SZT2: variants seen among roughly 807,000 people sequenced by gnomAD.
SZT2 encodes the protein KICSTOR complex protein SZT2.
SZT2 carries 216 observed loss-of-function variants against 404.2 expected under a neutral mutation model. The observed-to-expected ratio is 0.53, with a 90% CI of 0.48 to 0.60. SZT2 has a LOEUF of 0.60. Ranked by LOEUF, SZT2 falls within the 20% of genes least tolerant of loss-of-function variation. The pLI is 0.00. For missense variants in SZT2, 3,857 were observed against 4,459.2 expected (o/e 0.86, Z 3.85); for synonymous variants, 1,693 against 1,749.9 (o/e 0.97, Z 0.81).
In SZT2 at chr1:43,448,603, C is replaced by G; in HGVS notation, c.9970-9C>G. The G allele has an allele frequency of 6.2e-7, 1 of 1,613,922 alleles. No individual in the cohort carries two copies. Among genetic ancestry groups the G allele is most frequent in the East Asian group, 2.2e-5 (1 of 44,878 alleles). On this transcript the variant is annotated splice_polypyrimidine_tract_variant and intron_variant, in intron 69 of 71. Coordinates refer to ENST00000634258, the MANE Select transcript of SZT2 (RefSeq NM_001365999.1). The surrounding 1 kb of genome is among the most constrained non-coding windows in gnomAD (Gnocchi z 4.2). ...CACAGAAGACTCAGGCCTGTGGCTC[C>G]TCCCTCAGGACTGCTTCCTATCCAT...
intron 34 of SZT2, 40 bp from the exon 35 acceptor site, chr1:43,431,420 A>G: frequency 1.2e-6 from 2 of 1,613,452 alleles, no homozygotes; most frequent in Non-Finnish European, 1.7e-6. Flanking sequence ...TTTCAATTTC[A>G]TTTTCTGGAA....
In SZT2 at chr1:43,403,621, G is replaced by T; in HGVS notation, c.174G>T (p.Leu58Phe). ...QEMLLQSEQELEVLSVLPPGW... is the reference protein window; with the variant it reads ...QEMLLQSEQEFEVLSVLPPGW... Reference sequence around the variant, plus strand: ...TTCAGCTTCAGTCTGAACAGGAATTGGAAGTCCTCAGTGTCCTGCCCCCTG... The same window carrying T: ...TTCAGCTTCAGTCTGAACAGGAATTTGAAGTCCTCAGTGTCCTGCCCCCTG... The change falls in exon 3 of 72, where the codon TTG (leucine) becomes TTT (phenylalanine). Residue 58 changes from leucine to phenylalanine, a missense_variant. Around this residue, in one of 7 missense-constraint regions of SZT2, gnomAD observed 536 missense variants for 637.4 expected, o/e 0.84. Transcript: ENST00000634258. The T allele has an allele frequency of 1.2e-6, 2 of 1,613,518 alleles. No homozygotes were observed. The highest frequency in any genetic ancestry group is 2.7e-5 in the African/African-American group (2 of 75,020).
intron 4 of SZT2, among the ~76,000 whole-genome samples, chr1:43,413,503 C>T (rs1651322695): frequency 6.6e-6 from 1 of 152,182 alleles, no homozygotes; most frequent in Non-Finnish European, 1.5e-5. Flanking sequence ...TCTGCACTCC[C>T]ATGTTTATTA....
chr1:43,450,859 C>G lies in SZT2; in HGVS notation c.*379C>G. 1.4e-6 allele frequency: 1 copy of G among 718,894 alleles called. No homozygotes were observed. The highest frequency in any genetic ancestry group is 2.6e-6 in the Non-Finnish European group (1 of 388,892). The allele number at this position is 718,894 out of a possible 1,614,324, so 44.5% of individuals were successfully genotyped here. A position where few individuals can be genotyped will look rare whatever the true frequency, so the allele number is the denominator to read the frequency against. On this transcript the variant is annotated 3_prime_UTR_variant, in exon 72 of 72. Coordinates refer to ENST00000634258, the MANE Select transcript of SZT2 (RefSeq NM_001365999.1). This position sits in a 1 kb window ranked among gnomAD's most constrained non-coding sequence, Gnocchi z 4.3. ...CCTAGCCTTTGACCACTGTCAGCCA[C>G]CTGTGTCCCTTGAGCCTTCGGGTCT...
rs755477194 is a variant in SZT2, at chr1:43,437,727, C to T, written c.6396+27C>T. On this transcript the variant is annotated intron_variant, in intron 45 of 71. Transcript: ENST00000634258. This position sits in a 1 kb window ranked among gnomAD's most constrained non-coding sequence, Gnocchi z 5.3. ...CATGTATCACTCCCACTCTCTGATGCCCCTGTGTTCCTCTTGCACTTTGCT... is the reference window on the plus strand; with the variant it reads ...CATGTATCACTCCCACTCTCTGATGTCCCTGTGTTCCTCTTGCACTTTGCT... 6.2e-7 allele frequency: 1 copy of T among 1,613,946 alleles called. No homozygotes were observed. Among genetic ancestry groups the T allele is most frequent in the Non-Finnish European group, 8.5e-7 (1 of 1,179,956 alleles).
Position 43,453,630 on chromosome 1 carries a change from G to A in SZT2, c.*3150G>A. ...GTTGATCAGTACAAGCCGCAGCCCCGCTTCTCGCGCGGCGCGCGCCAGCGC... is the reference window on the plus strand; with the variant it reads ...GTTGATCAGTACAAGCCGCAGCCCCACTTCTCGCGCGGCGCGCGCCAGCGC... On this transcript the variant is annotated 3_prime_UTR_variant, in exon 72 of 72. Transcript: ENST00000634258. The A allele has an allele frequency of 1.3e-6, 2 of 1,493,250 alleles. No individual in the cohort carries two copies. Among genetic ancestry groups the A allele is most frequent in the Non-Finnish European group, 1.8e-6 (2 of 1,127,540 alleles). The allele number at this position is 1,493,250 out of a possible 1,614,324, so 92.5% of individuals were successfully genotyped here. A position where few individuals can be genotyped will look rare whatever the true frequency, so the allele number is the denominator to read the frequency against.
At position 43,430,543 on chromosome 1, in the gene SZT2, G is replaced by C; in HGVS notation, c.4528G>C (p.Glu1510Gln). ...CVVTESDPEL[E>Q]VEYRESRESD... ...GGTCACTGAGAGTGACCCAGAGCTA[G>C]AGGTAGAATACCGGGAGAGCCGTGA... Residue 1510 changes from glutamate (E) to glutamine (Q), a missense_variant, in exon 32 of 72, where the codon GAG becomes CAG. Coordinates refer to ENST00000634258, the MANE Select transcript of SZT2 (RefSeq NM_001365999.1). 1 of 1,614,248 alleles carries C rather than the reference G, an allele frequency of 6.2e-7. No homozygotes were observed. Among genetic ancestry groups the C allele is most frequent in the Non-Finnish European group, 8.5e-7 (1 of 1,180,046 alleles).
In SZT2 at chr1:43,441,126, C is replaced by T; in HGVS notation, c.7345-88C>T. The T allele has an allele frequency of 1.3e-6, 2 of 1,510,862 alleles. No individual in the cohort carries two copies. Among genetic ancestry groups the T allele is most frequent in the Non-Finnish European group, 1.8e-6 (2 of 1,113,042 alleles). The allele number at this position is 1,510,862 out of a possible 1,614,324, so 93.6% of individuals were successfully genotyped here. On this transcript the variant is annotated intron_variant, in intron 52 of 71. Transcript: ENST00000634258. The surrounding 1 kb of genome is among the most constrained non-coding windows in gnomAD (Gnocchi z 4.8). ...GGGTCTGAACCCAGACCTCTGAATCCTCCTAGCTCACTGCTGTTCCATAGT... is the reference window on the plus strand; with the variant it reads ...GGGTCTGAACCCAGACCTCTGAATCTTCCTAGCTCACTGCTGTTCCATAGT...
In SZT2 at chr1:43,434,402, G is replaced by A; in HGVS notation, c.5821G>A (p.Asp1941Asn). The A allele has an allele frequency of 1.3e-6, 2 of 1,595,902 alleles. No homozygotes were observed. The highest frequency in any genetic ancestry group is 1.7e-6 in the Non-Finnish European group (2 of 1,172,820). ...YAHARSLIRE[D>N]GGPGTECRHL... ...CCTTCCCAGGAGCCTGATTCGGGAG[G>A]ATGGGGGGCCGGGCACTGAGTGTCG... Residue 1941 changes from aspartate (D) to asparagine (N), a missense_variant, in exon 41 of 72, where the codon GAT becomes AAT. Physicochemically the swap from Asp to Asn is conservative, Grantham distance 23. This residue lies in a region of SZT2 where 1,725 missense variants were observed against 1,881.0 expected (regional missense o/e 0.92). Transcript: ENST00000634258.
Position 43,439,496 on chromosome 1 carries a change from T to C in SZT2, c.6877+54T>C, listed in dbSNP as rs1438882418. 3.9e-5 allele frequency: 63 copies of C among 1,597,540 alleles called. No individual in the cohort carries two copies. The highest frequency in any genetic ancestry group is 5.1e-5 in the Non-Finnish European group (60 of 1,170,418). On this transcript the variant is annotated intron_variant, in intron 49 of 71. Coordinates refer to ENST00000634258, the MANE Select transcript of SZT2 (RefSeq NM_001365999.1). This position sits in a 1 kb window ranked among gnomAD's most constrained non-coding sequence, Gnocchi z 4.2. ...CCACCAGGTGAGGGAAAGCCTTTTG[T>C]CATCCTATTGCTAAGAGGACATTTC... is the stretch of plus-strand genomic sequence containing the variant.
chr1:43,447,284 C>A, intron 66 of SZT2, 116 bp downstream of exon 66: 1 of 1,216,760 alleles, frequency 8.2e-7, no homozygotes, highest in Non-Finnish European at 1.1e-6. Context: ...TTAATCATCT[C>A]ATGTCACACA....
rs200935344 is a variant in SZT2 at position 43,441,508 on chromosome 1, C to A, written c.7516C>A (p.Arg2506=). The change falls in exon 54 of 72, where the codon CGG becomes AGG. Residue 2506 remains arginine, a synonymous_variant. Transcript: ENST00000634258. The surrounding 1 kb of genome is among the most constrained non-coding windows in gnomAD (Gnocchi z 4.8). The part of the protein sequence containing the change: ...SDSGAQRQKR[R]TTQLEEGEVG... Reference sequence around the variant, plus strand: ...TCTTACTCCCACTGTCTTCAGGCGCCGGACAACACAGCTAGAAGAGGGTGA... The same window carrying A: ...TCTTACTCCCACTGTCTTCAGGCGCAGGACAACACAGCTAGAAGAGGGTGA... 6 of 1,613,356 alleles carry A rather than the reference C, an allele frequency of 3.7e-6. No homozygotes were observed. The East Asian group carries it at 1.1e-4, about 30-fold the overall frequency.
intron 4 of SZT2, chr1:43,409,546 G>C (rs920341819): frequency 1.2e-5 from 4 of 345,656 alleles, no homozygotes; most frequent in South Asian, 2.3e-5. Context: ...AAAACTATTA[G>C]AACTGATAAA....
At chr1:43,393,837 T>C (rs1403419243) in intron 1 of SZT2, among the ~76,000 whole-genome samples, 1 of 152,184 alleles carries the variant, frequency 6.6e-6, no homozygotes, top group African/African-American at 2.4e-5. Context: ...TCAATAAATA[T>C]TCCAAAGAAT....
chr1:43,451,626 G>A lies in SZT2; in HGVS notation c.*1146G>A, dbSNP rs372809041. ...AGATGTGGGGATTGAAAGGGTGGGA[G>A]GGCAAAGGAAGGTCCTCTCACCAAC... is the stretch of plus-strand genomic sequence containing the variant. On this transcript the variant is annotated 3_prime_UTR_variant, in exon 72 of 72. Transcript: ENST00000634258. The A allele has an allele frequency of 2.0e-5, 33 of 1,614,040 alleles. No individual in the cohort carries two copies. The South Asian group carries it at 2.9e-4, about 14-fold the overall frequency.
In SZT2 at chr1:43,426,950, G is replaced by T. The variant is rs1279145532; in HGVS notation, c.3310-106G>T. 2.1e-5 allele frequency: 33 copies of T among 1,573,740 alleles called. No individual in the cohort carries two copies. Among genetic ancestry groups the T allele is most frequent in the Non-Finnish European group, 2.8e-5 (32 of 1,153,528 alleles). ...AATGCCGTCATTTTCCATTGTCCTG[G>T]ATCTTTCAAGCTATACCTAAGATGA... is the stretch of plus-strand genomic sequence containing the variant. On this transcript the variant is annotated intron_variant, in intron 23 of 71. Transcript: ENST00000634258. The surrounding 1 kb of genome is among the most constrained non-coding windows in gnomAD (Gnocchi z 4.9).
In SZT2 at chr1:43,453,944, C is replaced by T; in HGVS notation, c.*3464C>T. The T allele has an allele frequency of 1.7e-6, 2 of 1,201,280 alleles. No homozygotes were observed. The highest frequency in any genetic ancestry group is 2.1e-6 in the Non-Finnish European group (2 of 968,490). 74.4% of individuals were successfully genotyped at this position (1,201,280 alleles called of 1,614,324 possible). On this transcript the variant is annotated 3_prime_UTR_variant, in exon 72 of 72. Coordinates refer to ENST00000634258, the MANE Select transcript of SZT2 (RefSeq NM_001365999.1). ...TAGAAAAGCGAAGTGCTGTAAAAACCCGGGCCTTCACGAAAAGCGCCTACG... is the reference window on the plus strand; with the variant it reads ...TAGAAAAGCGAAGTGCTGTAAAAACTCGGGCCTTCACGAAAAGCGCCTACG...
At chr1:43,434,239 C>T in intron 40 of SZT2, 147 bp from the exon 41 acceptor site, 2 of 667,380 alleles carry the variant, frequency 3.0e-6, no homozygotes, top group South Asian at 1.9e-5. Flanking sequence ...AAGCCTGCTC[C>T]CTTTTCATGG....
chr1:43,433,107 AG>A lies in SZT2; in HGVS notation c.5723del (p.Gly1908AlafsTer30). 1 of 1,614,054 alleles carries A rather than the reference AG, an allele frequency of 6.2e-7. No individual in the cohort carries two copies. The highest frequency in any genetic ancestry group is 8.5e-7 in the Non-Finnish European group (1 of 1,179,984). ...GPAPPQPSLS[G>X]LPGPCLPDFW... The stretch of plus-strand genomic sequence containing the variant: ...CAGCACCTCCACAGCCTTCACTCTC[AG>A]GCCTCCCTGGGCCCTGCCTGCCTGA... On this transcript the variant is annotated frameshift_variant, in exon 40 of 72. Coordinates refer to ENST00000634258, the MANE Select transcript of SZT2 (RefSeq NM_001365999.1). LOFTEE classifies it high-confidence loss of function.
Sources: allele counts gnomAD v4.1 joint callset (sites outside exome capture counted in the v4.1 genomes callset), GRCh38; gene constraint gnomAD v4.1.1; regional missense constraint gnomAD v4.1.1; non-coding constraint Gnocchi (gnomAD v3.1); transcripts MANE v1.5; gene names NCBI Gene and HGNC (gene_info 2026-07-23, HGNC 2026-07-21).